The following ADAMTS8 variants were observed in gnomAD, a reference collection of about 807,000 sequenced individuals.
The protein encoded by ADAMTS8 is ADAM metallopeptidase with thrombospondin type 1 motif 8.
Under a neutral mutation model 64.4 loss-of-function variants are expected in ADAMTS8, and 50 were observed. The observed-to-expected ratio is 0.78, with a 90% CI of 0.62 to 0.98. ADAMTS8 has a LOEUF of 0.98. Ranked by LOEUF, ADAMTS8 falls within the 50% of genes least tolerant of loss-of-function variation. ADAMTS8 has a pLI of 0.00. For synonymous variants in ADAMTS8, 556 were observed against 533.6 expected, an observed-to-expected ratio of 1.04 and a Z score of -0.58; for missense variants, 1,192 against 1,208.2, an observed-to-expected ratio of 0.99 and a Z score of 0.20.
At position 130,405,106 on chromosome 11, in the gene ADAMTS8, A is replaced by C; in HGVS notation, c.*452T>G. 1 of 991,432 alleles carries C rather than the reference A, an allele frequency of 1.0e-6. No homozygotes were observed. The highest frequency in any genetic ancestry group is 1.2e-6 in the Non-Finnish European group (1 of 833,938). The allele number at this position is 991,432 out of a possible 1,614,324, so 61.4% of individuals were successfully genotyped here. ...CATTCTTGAAGACAGCTTGGGGTCC[A>C]GCTTTGGAGCCTGCTTTGACATTCA... On this transcript the variant is annotated 3_prime_UTR_variant, in exon 9 of 9. Transcript: ENST00000257359.
Position 130,414,681 on chromosome 11 carries a change from G to A in ADAMTS8, c.1416C>T (p.Cys472=), listed in dbSNP as rs369009464. The A allele has an allele frequency of 1.9e-5, 31 of 1,613,740 alleles. No individual in the cohort carries two copies. The highest frequency in any genetic ancestry group is 4.0e-5 in the African/African-American group (3 of 74,954). The change falls in exon 5 of 9, where the codon TGC becomes TGT. Residue 472 remains cysteine (C), a synonymous_variant. Coordinates refer to ENST00000257359, the MANE Select transcript of ADAMTS8 (RefSeq NM_007037.6). ...HCPNTSAQDV[C]AQLWCHTDGA... Reference sequence around the variant, plus strand: ...CATCAGTGTGGCACCAAAGCTGGGCGCAGACGTCCTGAGCAGAGGTGTTGG... The same window carrying A: ...CATCAGTGTGGCACCAAAGCTGGGCACAGACGTCCTGAGCAGAGGTGTTGG...
intron 1 of ADAMTS8, among the ~76,000 whole-genome samples, chr11:130,427,326 G>GA (rs1248955925): frequency 2.0e-5 from 3 of 152,222 alleles, no homozygotes; most frequent in Non-Finnish European, 4.4e-5. Context: ...CTCTAAACTG[G>GA]AAGGGACCTG....
At position 130,419,042 on chromosome 11, in the gene ADAMTS8, C is replaced by A; in HGVS notation, c.960+11G>T. 6.2e-7 allele frequency: 1 copy of A among 1,613,836 alleles called. No homozygotes were observed. The highest frequency in any genetic ancestry group is 8.5e-7 in the Non-Finnish European group (1 of 1,179,886). On this transcript the variant is annotated intron_variant, in intron 2 of 8. Coordinates refer to ENST00000257359, the MANE Select transcript of ADAMTS8 (RefSeq NM_007037.6). ...CCTTCCTCCCCAGGGCTTCCGGAGC[C>A]AGGCACGGACCTGTCTGGTGAGCAG...
rs757836859 is a variant in ADAMTS8, at chr11:130,428,081, G to A, written c.206C>T (p.Ala69Val). 7.6e-5 allele frequency: 117 copies of A among 1,538,244 alleles called. No homozygotes were observed. The African/African-American group carries it at 1.4e-3, about 19-fold the overall frequency. Residue 69 changes from alanine to valine, a missense_variant, in exon 1 of 9, where the codon GCG (alanine) becomes GTG (valine). This residue lies in a region of ADAMTS8 where 741 missense variants were observed against 710.6 expected (regional missense o/e 1.04). Transcript: ENST00000257359. ...AFGKGFVLRL[A>V]PDDSFLAPEF... is the part of the protein sequence containing the mutation. ...GGGCGCTAGGAAGCTGTCGTCGGGC[G>A]CCAGGCGCAGCACGAAGCCCTTGCC...
In ADAMTS8 at chr11:130,411,420, CA is replaced by C. The variant is rs754624318; in HGVS notation, c.1746del (p.Asp583ThrfsTer60). The C allele has an allele frequency of 1.5e-5, 24 of 1,613,546 alleles. 1 individual carries two copies. Among genetic ancestry groups the C allele is most frequent in the Admixed American group, 5.0e-5 (3 of 59,982 alleles). ...GGCGGCCCTGAGTGGTAATTACCGT[CA>C]GGGGGGCATTCCTCCGTGTGGCATG... ...YQSCHTEECPPDGKSFREQQC... is the reference protein window; with the variant it reads ...YQSCHTEECPXDGKSFREQQC... On this transcript the variant is annotated frameshift_variant, in exon 6 of 9. Transcript: ENST00000257359. LOFTEE classifies it high-confidence loss of function. This position sits in a 1 kb window ranked among gnomAD's most constrained non-coding sequence, Gnocchi z 4.2.
At chr11:130,417,205 G>A in intron 2 of ADAMTS8, 130 bp from the exon 3 acceptor site, 1 of 928,454 alleles carries the variant, frequency 1.1e-6, no homozygotes, top group Non-Finnish European at 1.6e-6. Context: ...ATGTTTGCTG[G>A]CCTGTGCATC....
At chr11:130,413,355 C>T (rs1212233844) in intron 5 of ADAMTS8, among the ~76,000 whole-genome samples, 2 of 152,180 alleles carry the variant, frequency 1.3e-5, no homozygotes, top group East Asian at 3.9e-4. Context: ...GAGGATCAGT[C>T]CATGAATCCT....
chr11:130,411,063 C>G lies in ADAMTS8; in HGVS notation c.1750+354G>C, dbSNP rs991932851. Among the ~76,000 whole-genome samples, 2 of 152,158 alleles carry G rather than the reference C, an allele frequency of 1.3e-5. No individual in the cohort carries two copies. Among genetic ancestry groups the G allele is most frequent in the Admixed American group, 1.3e-4 (2 of 15,280 alleles). On this transcript the variant is annotated intron_variant, in intron 6 of 8. Coordinates refer to ENST00000257359, the MANE Select transcript of ADAMTS8 (RefSeq NM_007037.6). The surrounding 1 kb of genome is among the most constrained non-coding windows in gnomAD (Gnocchi z 4.2). Reference sequence around the variant, plus strand: ...TCCAGGAGGATTAGTTTCCTAGACACCAGCCCCTCTGCAGAGGCTCCTCCC... The same window carrying G: ...TCCAGGAGGATTAGTTTCCTAGACAGCAGCCCCTCTGCAGAGGCTCCTCCC...
Position 130,428,215 on chromosome 11 carries a change from G to A in ADAMTS8, c.72C>T (p.Ala24=). The A allele has an allele frequency of 3.3e-6, 4 of 1,221,472 alleles. No individual in the cohort carries two copies. Among genetic ancestry groups the A allele is most frequent in the Non-Finnish European group, 4.0e-6 (4 of 989,638 alleles). 75.7% of individuals were successfully genotyped at this position (1,221,472 alleles called of 1,614,324 possible). A position where few individuals can be genotyped will look rare whatever the true frequency, so the allele number is the denominator to read the frequency against. ...CTGCGGGCCGGGCCGGGGCGCCGCG[G>A]GCCAGCGGCAGCAGCAGCAGCAGCA... ...LLLLLLLLPL[A]RGAPARPAAG... The change falls in exon 1 of 9, where the codon GCC becomes GCT. Residue 24 remains alanine, a synonymous_variant. Coordinates refer to ENST00000257359, the MANE Select transcript of ADAMTS8 (RefSeq NM_007037.6).
Position 130,427,574 on chromosome 11 carries a change from T to C in ADAMTS8, c.713A>G (p.Asp238Gly). ...GGAGGCTCTCAGTCCTACCTGCAGGTCGGCCCCGTAGAAGGCAGCCATGGA... is the reference window on the plus strand; with the variant it reads ...GGAGGCTCTCAGTCCTACCTGCAGGCCGGCCCCGTAGAAGGCAGCCATGGA... The part of the protein sequence containing the change: ...DASMAAFYGA[D>G]LQNHILTLMS... Residue 238 changes from aspartate to glycine, a missense_variant, in exon 1 of 9, where the codon GAC (aspartate) becomes GGC (glycine). Coordinates refer to ENST00000257359, the MANE Select transcript of ADAMTS8 (RefSeq NM_007037.6). 6.5e-7 allele frequency: 1 copy of C among 1,535,256 alleles called. No individual in the cohort carries two copies. Among genetic ancestry groups the C allele is most frequent in the South Asian group, 1.2e-5 (1 of 83,878 alleles).
chr11:130,427,708 CTCT>C lies in ADAMTS8; in HGVS notation c.576_578del (p.Glu194del). The C allele has an allele frequency of 2.5e-6, 4 of 1,594,870 alleles. No homozygotes were observed. The highest frequency in any genetic ancestry group is 1.1e-5 in the South Asian group (1 of 87,916). Reference sequence around the variant, plus strand: ...GCGGCTCGCTAGCGCCTTCTGCCTCCTCTTCTTGGCTCTCCTCCTCGCTGTCCT... The same window carrying C: ...GCGGCTCGCTAGCGCCTTCTGCCTCCTCTTGGCTCTCCTCCTCGCTGTCCT... On this transcript the variant is annotated inframe_deletion, in exon 1 of 9. Transcript: ENST00000257359.
chr11:130,428,488 C>G lies in ADAMTS8; in HGVS notation c.-202G>C. ...TGGCTGGCGCAGCCCGCTCCTCCCG[C>G]GCCGCCGCCCCCGAGCCGAGCGCGA... is the stretch of plus-strand genomic sequence containing the variant. On this transcript the variant is annotated 5_prime_UTR_variant, in exon 1 of 9. Coordinates refer to ENST00000257359, the MANE Select transcript of ADAMTS8 (RefSeq NM_007037.6). 1.0e-6 allele frequency: 1 copy of G among 978,372 alleles called. No individual in the cohort carries two copies. 60.6% of individuals were successfully genotyped at this position (978,372 alleles called of 1,614,324 possible). A position where few individuals can be genotyped will look rare whatever the true frequency, so the allele number is the denominator to read the frequency against.
At chr11:130,417,248 AATT>A (rs1555074178) in intron 2 of ADAMTS8, among the ~76,000 whole-genome samples, 173 bp from the exon 3 acceptor site, 3,787 of 150,636 alleles carry the variant, frequency 0.025, 146 homozygotes, top group African/African-American at 0.084. Context: ...AATTAAATTA[AATT>A]ATTATTATTA....
At chr11:130,419,673 C>T (rs920567527) in intron 1 of ADAMTS8, among the ~76,000 whole-genome samples, 2 of 152,242 alleles carry the variant, frequency 1.3e-5, no homozygotes, top group African/African-American at 2.4e-5. Flanking sequence ...ATATATGGCT[C>T]GTGGCTACTG....
chr11:130,427,065 T>C (rs1330929592), intron 1 of ADAMTS8, among the ~76,000 whole-genome samples: 2 of 152,266 alleles, frequency 1.3e-5, no homozygotes, highest in Non-Finnish European at 1.5e-5. Context: ...GTCTTTTGCT[T>C]ATGGCGACCT....
chr11:130,409,779 A>G (rs1172051374), intron 6 of ADAMTS8, among the ~76,000 whole-genome samples: 1 of 152,030 alleles, frequency 6.6e-6, no homozygotes, highest in Non-Finnish European at 1.5e-5. Flanking sequence ...TCCACCCCCA[A>G]ATCCTAAAAT....
rs1303139007 is a variant in ADAMTS8 at position 130,411,710 on chromosome 11, G to C, written c.1567-110C>G. ...TTCCTCATCTAGTCATTATCATCTT[G>C]GTGCATGGAGTGCCGTAAACTGCCT... On this transcript the variant is annotated intron_variant, in intron 5 of 8. Transcript: ENST00000257359. This position sits in a 1 kb window ranked among gnomAD's most constrained non-coding sequence, Gnocchi z 4.2. The C allele has an allele frequency of 3.5e-6, 4 of 1,127,862 alleles. No homozygotes were observed. Among genetic ancestry groups the C allele is most frequent in the East Asian group, 4.9e-5 (2 of 41,080 alleles). The allele number at this position is 1,127,862 out of a possible 1,614,324, so 69.9% of individuals were successfully genotyped here. A position where few individuals can be genotyped will look rare whatever the true frequency, so the allele number is the denominator to read the frequency against.
intron 1 of ADAMTS8, among the ~76,000 whole-genome samples, chr11:130,425,942 T>C (rs1862160892): frequency 6.6e-6 from 1 of 152,058 alleles, no homozygotes; most frequent in African/African-American, 2.4e-5. Context: ...GAGCCAGGTG[T>C]GGGGGTCCTA....
Position 130,427,664 on chromosome 11 carries a change from G to A in ADAMTS8, c.623C>T (p.Thr208Met), listed in dbSNP as rs371977062. The change falls in exon 1 of 9, where the codon ACG becomes ATG. Residue 208 changes from threonine to methionine, a missense_variant. Thr to Met is a moderately conservative substitution (Grantham distance 81). Around this residue, in one of 5 missense-constraint regions of ADAMTS8, gnomAD observed 741 missense variants for 710.6 expected, o/e 1.04. Transcript: ENST00000257359. ...AGACACAAACCGCTTGGTCCTACTC[G>A]TGGCCCCCAGGGGCGGTGGCGGCTC... ...ASEPPPPLGA[T>M]SRTKRFVSEA... 2 of 1,594,990 alleles carry A rather than the reference G, an allele frequency of 1.3e-6. No homozygotes were observed. Among genetic ancestry groups the A allele is most frequent in the Non-Finnish European group, 1.7e-6 (2 of 1,172,672 alleles).
Sources: allele counts gnomAD v4.1 joint callset (sites outside exome capture counted in the v4.1 genomes callset), GRCh38; gene constraint gnomAD v4.1.1; regional missense constraint gnomAD v4.1.1; non-coding constraint Gnocchi (gnomAD v3.1); transcripts MANE v1.5; gene names NCBI Gene and HGNC (gene_info 2026-07-23, HGNC 2026-07-21).